Variants in ADAMTS19 observed in about 807,000 individuals in gnomAD.
ADAMTS19 encodes A disintegrin and metalloproteinase with thrombospondin motifs 19.
In ADAMTS19, 93 loss-of-function variants were observed where a neutral mutation model predicts 153.3. The ratio of observed to expected loss-of-function variants is 0.61; its 90% CI spans 0.51 to 0.72. The LOEUF (loss-of-function observed/expected upper bound fraction) is 0.72, where lower values mean the gene tolerates loss of function less well. Ranked by LOEUF, ADAMTS19 falls within the 30% of genes least tolerant of loss-of-function variation. The pLI is 0.00. For missense variants in ADAMTS19, 1,482 were observed against 1,552.1 expected, an observed-to-expected ratio of 0.95 and a Z score of 0.76; for synonymous variants, 600 against 556.6, an observed-to-expected ratio of 1.08 and a Z score of -1.10.
intron 6 of ADAMTS19, among the ~76,000 whole-genome samples, chr5:129,533,738 G>A (rs76588267): frequency 6.6e-6 from 1 of 151,590 alleles, no homozygotes. Flanking sequence ...ATTTAGTGCT[G>A]TAAATTTCCC....
intron 6 of ADAMTS19, among the ~76,000 whole-genome samples, chr5:129,534,381 T>C (rs1752332240): frequency 6.6e-6 from 1 of 152,032 alleles, no homozygotes; most frequent in African/African-American, 2.4e-5. Context: ...CAGGAAGAAG[T>C]TGAATCTCTG....
intron 7 of ADAMTS19, among the ~76,000 whole-genome samples, chr5:129,590,261 G>A (rs1255532387): frequency 6.6e-6 from 1 of 152,018 alleles, no homozygotes; most frequent in Non-Finnish European, 1.5e-5. Context: ...CTCCAGATTT[G>A]AATTTTTTTA....
At chr5:129,646,891 C>T (rs1217561463) in intron 11 of ADAMTS19, among the ~76,000 whole-genome samples, 1 of 152,072 alleles carries the variant, frequency 6.6e-6, no homozygotes, top group Non-Finnish European at 1.5e-5. Flanking sequence ...ACCATGTTTG[C>T]TACGACCATC....
At chr5:129,487,502 A>G (rs577642948) in intron 2 of ADAMTS19, among the ~76,000 whole-genome samples, 32 of 152,186 alleles carry the variant, frequency 2.1e-4, no homozygotes, top group African/African-American at 7.7e-4. Flanking sequence ...ACATATTTTT[A>G]TAATAATATT....
At chr5:129,534,997 C>A (rs1752359782) in intron 6 of ADAMTS19, among the ~76,000 whole-genome samples, 1 of 152,180 alleles carries the variant, frequency 6.6e-6, no homozygotes, top group Non-Finnish European at 1.5e-5. Context: ...CCTTTGAAAA[C>A]TGGCACAAGA....
At chr5:129,683,658 A>C (rs969009322) in intron 17 of ADAMTS19, among the ~76,000 whole-genome samples, 1 of 151,788 alleles carries the variant, frequency 6.6e-6, no homozygotes, top group Admixed American at 6.6e-5. Context: ...TTGACTCAGC[A>C]ACTTCCTGTC....
At position 129,735,618 on chromosome 5, in the gene ADAMTS19, TG is replaced by T. The variant is rs1302466299; in HGVS notation, c.3490+510del. On this transcript the variant is annotated intron_variant, in intron 22 of 22. Transcript: ENST00000274487. Reference sequence around the variant, plus strand: ...ATTTTCTTTTTAAGTTTTGAGAATATGATACTAAATAAAAAATACATTCTAG... The same window carrying T: ...ATTTTCTTTTTAAGTTTTGAGAATATATACTAAATAAAAAATACATTCTAG... 7.2e-5 allele frequency among the ~76,000 whole-genome samples: 11 copies of T among 152,054 alleles called. 1 individual carries two copies. The highest frequency in any genetic ancestry group is 6.6e-4 in the Admixed American group (10 of 15,232).
intron 3 of ADAMTS19, among the ~76,000 whole-genome samples, chr5:129,522,618 GA>G (rs888064696): frequency 2.6e-5 from 4 of 151,794 alleles, no homozygotes; most frequent in African/African-American, 9.7e-5. Context: ...ATCATTGCTA[GA>G]AAAAATGAGA....
chr5:129,692,169 A>G (rs1226528493), intron 18 of ADAMTS19, among the ~76,000 whole-genome samples: 2 of 152,178 alleles, frequency 1.3e-5, no homozygotes, highest in African/African-American at 4.8e-5. Context: ...TGTAGAAATA[A>G]TACCTAAGCT....
At chr5:129,497,801 C>A (rs927385350) in intron 2 of ADAMTS19, among the ~76,000 whole-genome samples, 3 of 152,034 alleles carry the variant, frequency 2.0e-5, no homozygotes, top group Non-Finnish European at 2.9e-5. Flanking sequence ...TCCAGTCACC[C>A]TGTGTTGCCT....
At chr5:129,526,222 G>T in intron 3 of ADAMTS19, 62 bp from the exon 4 acceptor site, 5 of 1,374,478 alleles carry the variant, frequency 3.6e-6, no homozygotes, top group Non-Finnish European at 4.9e-6. Flanking sequence ...TATTAAATAT[G>T]TTTAATATTA....
At chr5:129,484,607 G>T (rs935905174) in intron 2 of ADAMTS19, among the ~76,000 whole-genome samples, 1 of 152,060 alleles carries the variant, frequency 6.6e-6, no homozygotes, top group Non-Finnish European at 1.5e-5. Context: ...GGTTTAAACT[G>T]CAGTGTTTAT....
intron 20 of ADAMTS19, 65 bp from the exon 21 acceptor site, chr5:129,704,174 T>C: frequency 6.6e-7 from 1 of 1,526,340 alleles, no homozygotes; most frequent in Non-Finnish European, 8.9e-7. Flanking sequence ...CAGTACTTAA[T>C]TGAGCCTATC....
At chr5:129,507,590 AT>A (rs2126722454) in intron 2 of ADAMTS19, among the ~76,000 whole-genome samples, 1 of 151,960 alleles carries the variant, frequency 6.6e-6, no homozygotes, top group East Asian at 1.9e-4. Flanking sequence ...TGTGTCTAGT[AT>A]TTTAAAGGTT....
intron 7 of ADAMTS19, among the ~76,000 whole-genome samples, chr5:129,569,027 A>C (rs1313867880): frequency 6.6e-6 from 1 of 152,102 alleles, no homozygotes; most frequent in Non-Finnish European, 1.5e-5. Flanking sequence ...GGAGTTCTTC[A>C]GAACTGATTA....
At chr5:129,619,811 G>A (rs1751695100) in intron 8 of ADAMTS19, among the ~76,000 whole-genome samples, 1 of 152,014 alleles carries the variant, frequency 6.6e-6, no homozygotes, top group African/African-American at 2.4e-5. Context: ...GGTAGAGTTG[G>A]CAAGGCTTGC....
chr5:129,674,741 T>A (rs908222304), intron 16 of ADAMTS19, among the ~76,000 whole-genome samples: 11 of 152,180 alleles, frequency 7.2e-5, no homozygotes, highest in Non-Finnish European at 1.6e-4. Context: ...ATCAGTTTAA[T>A]TCTACATATA....
At chr5:129,655,352 G>A (rs1018472014) in intron 14 of ADAMTS19, among the ~76,000 whole-genome samples, 6 of 152,230 alleles carry the variant, frequency 3.9e-5, no homozygotes, top group Admixed American at 1.3e-4. Context: ...TACAACCTTG[G>A]GGAAAGCAGG....
At chr5:129,712,207 A>G (rs1183014477) in intron 21 of ADAMTS19, among the ~76,000 whole-genome samples, 1 of 152,224 alleles carries the variant, frequency 6.6e-6, no homozygotes, top group Non-Finnish European at 1.5e-5. Flanking sequence ...AAATGTGAAC[A>G]GCTATCCCCT....
Sources: gnomAD v4.1 joint callset for allele counts (sites outside exome capture counted in the v4.1 genomes callset) on GRCh38, gnomAD v4.1.1 for gene constraint, MANE v1.5 for transcripts, NCBI Gene and HGNC (gene_info 2026-07-23, HGNC 2026-07-21) for gene names.